CACNA1H: variants seen among roughly 807,000 people sequenced by gnomAD.
The protein encoded by CACNA1H is voltage-dependent T-type calcium channel subunit alpha-1H.
A neutral mutation model predicts 192.5 loss-of-function variants in CACNA1H; 149 were observed. The observed-to-expected ratio is 0.77, with a 90% CI of 0.68 to 0.89. The LOEUF (loss-of-function observed/expected upper bound fraction) is 0.89, where lower values mean the gene tolerates loss of function less well. Ranked by LOEUF, CACNA1H falls within the 40% of genes least tolerant of loss-of-function variation. CACNA1H has a pLI of 0.00. For synonymous variants in CACNA1H, 2,202 were observed against 1,475.2 expected (o/e 1.49, Z -11.29); for missense variants, 4,257 against 3,423.5 (o/e 1.24, Z -6.08).
In CACNA1H at chr16:1,219,866, G is replaced by A. The variant is rs927837400; in HGVS notation, c.6049-115G>A. The A allele has an allele frequency of 6.6e-6, 5 of 755,066 alleles. No homozygotes were observed. The African/African-American group carries it at 9.1e-5, about 14-fold the overall frequency. The allele number at this position is 755,066 out of a possible 1,614,324, so 46.8% of individuals were successfully genotyped here. ...TCTCGAGGGTCAGGAGCCACCCAGG[G>A]GACCTGCCCAGTTTGGCCTCTCCAG... On this transcript the variant is annotated intron_variant, in intron 34 of 34. Transcript: ENST00000348261.
rs1286665255 is a variant in CACNA1H at position 1,219,013 on chromosome 16, C to T, written c.5931C>T (p.Ala1977=). 2.8e-5 allele frequency: 44 copies of T among 1,550,312 alleles called. No individual in the cohort carries two copies. Among genetic ancestry groups the T allele is most frequent in the Non-Finnish European group, 3.8e-5 (44 of 1,146,882 alleles). ...ACTCTCCGCCCGCAGAGTCCTGTGC[C>T]TCCCTCCAGATCCCATTGGCTGTGT... is the stretch of plus-strand genomic sequence containing the variant. ...SVHSPPAESC[A]SLQIPLAVSS... Residue 1977 remains alanine, a synonymous_variant, in exon 34 of 35, where the codon GCC becomes GCT. Coordinates refer to ENST00000348261, the MANE Select transcript of CACNA1H (RefSeq NM_021098.3).
intron 6 of CACNA1H, among the ~76,000 whole-genome samples, chr16:1,199,631 G>C (rs149150562): frequency 0.01 from 1,520 of 147,744 alleles, 16 homozygotes; most frequent in Admixed American, 0.014. Context: ...TTGCTCTGCA[G>C]TCTCTCCTCA....
At chr16:1,162,475 T>A (rs1963307382) in intron 2 of CACNA1H, among the ~76,000 whole-genome samples, 1 of 152,180 alleles carries the variant, frequency 6.6e-6, no homozygotes, top group Non-Finnish European at 1.5e-5. Context: ...CGCCCACTGT[T>A]GTCAGGCTCC....
At chr16:1,219,960 T>G in intron 34 of CACNA1H, 21 bp from the exon 35 acceptor site, 1 of 1,281,230 alleles carries the variant, frequency 7.8e-7, no homozygotes, top group Non-Finnish European at 9.9e-7. Context: ...CGCCCCTCAC[T>G]TTGACTCTAC....
At chr16:1,193,510 G>T (rs1966795338) in intron 2 of CACNA1H, among the ~76,000 whole-genome samples, 2 of 152,274 alleles carry the variant, frequency 1.3e-5, no homozygotes, top group South Asian at 4.1e-4. Flanking sequence ...GGCCGCTGGG[G>T]TCGCAGTGGG....
At chr16:1,164,965 G>T (rs1361447114) in intron 2 of CACNA1H, among the ~76,000 whole-genome samples, 4 of 152,150 alleles carry the variant, frequency 2.6e-5, no homozygotes, top group Non-Finnish European at 5.9e-5. Context: ...CAGCAGGTGG[G>T]GCCCCTCGGT....
At chr16:1,171,125 C>G (rs1964326075) in intron 2 of CACNA1H, among the ~76,000 whole-genome samples, 1 of 152,196 alleles carries the variant, frequency 6.6e-6, no homozygotes, top group Non-Finnish European at 1.5e-5. Flanking sequence ...CTCCCCTCCC[C>G]TAGTGCCTTC....
At chr16:1,188,593 T>G (rs1001719399) in intron 2 of CACNA1H, among the ~76,000 whole-genome samples, 1 of 151,984 alleles carries the variant, frequency 6.6e-6, no homozygotes, top group Non-Finnish European at 1.5e-5. Context: ...CACACAACAG[T>G]CAGTGGCTCT....
At chr16:1,166,981 C>T (rs1376894019) in intron 2 of CACNA1H, among the ~76,000 whole-genome samples, 6 of 152,198 alleles carry the variant, frequency 3.9e-5, no homozygotes, top group African/African-American at 7.2e-5. Flanking sequence ...GTTGAGTCCT[C>T]GGAGGAATGG....
intron 2 of CACNA1H, among the ~76,000 whole-genome samples, chr16:1,191,909 A>G (rs982872889): frequency 6.6e-6 from 1 of 152,170 alleles, no homozygotes; most frequent in Non-Finnish European, 1.5e-5. Context: ...GACCTCAGGC[A>G]CACTCGGGGT....
chr16:1,214,651 G>A (rs867004495), intron 27 of CACNA1H, among the ~76,000 whole-genome samples: 4 of 152,208 alleles, frequency 2.6e-5, no homozygotes, highest in East Asian at 1.9e-4. Flanking sequence ...CACTGCCATC[G>A]GGGTGCACAG....
At chr16:1,184,984 C>T (rs529295569) in intron 2 of CACNA1H, among the ~76,000 whole-genome samples, 7 of 152,318 alleles carry the variant, frequency 4.6e-5, no homozygotes, top group Admixed American at 2.0e-4. Flanking sequence ...TCACCTCTGC[C>T]TAGTTCTGGA....
intron 8 of CACNA1H, among the ~76,000 whole-genome samples, chr16:1,201,305 C>T (rs556298319): frequency 1.3e-5 from 2 of 152,122 alleles, no homozygotes; most frequent in African/African-American, 2.4e-5. Context: ...TTGCTGCACG[C>T]TGGTCCATGC....
chr16:1,174,668 G>A (rs886797748), intron 2 of CACNA1H, among the ~76,000 whole-genome samples: 2 of 152,196 alleles, frequency 1.3e-5, no homozygotes, highest in African/African-American at 2.4e-5. Context: ...AGCTGGGAGA[G>A]GAGAGGCGCC....
chr16:1,219,642 G>A (rs1360931488), intron 34 of CACNA1H, among the ~76,000 whole-genome samples: 1 of 152,234 alleles, frequency 6.6e-6, no homozygotes, highest in Non-Finnish European at 1.5e-5. Context: ...CCGCACAGGA[G>A]CAGTTAGGAG....
In CACNA1H at chr16:1,200,493, C is replaced by T. The variant is rs757510335; in HGVS notation, c.1041C>T (p.Cys347=). The T allele has an allele frequency of 5.6e-6, 9 of 1,612,180 alleles. No individual in the cohort carries two copies. Among genetic ancestry groups the T allele is most frequent in the South Asian group, 4.4e-5 (4 of 91,084 alleles). The change falls in exon 7 of 35, where the codon TGC becomes TGT. Residue 347 remains cysteine (C), a synonymous_variant. Transcript: ENST00000348261. ...ACTGGAACCAGTACTACAACGTGTGCCGCTCGGGTGACTCCAACCCCCACA... is the reference window on the plus strand; with the variant it reads ...ACTGGAACCAGTACTACAACGTGTGTCGCTCGGGTGACTCCAACCCCCACA... ...CINWNQYYNV[C]RSGDSNPHNG...
chr16:1,184,540 C>G lies in CACNA1H; in HGVS notation c.300-10432C>G, dbSNP rs11860036. Among the ~76,000 whole-genome samples the G allele has an allele frequency of 5.8e-3, 883 of 152,384 alleles. 15 individuals carry two copies. The highest frequency in any genetic ancestry group is 0.02 in the African/African-American group (839 of 41,598). On this transcript the variant is annotated intron_variant, in intron 2 of 34. Transcript: ENST00000348261. ...GTGAGCCTGGGAGGAGGCACGGATGCCGCATCAGCCTCCAGGCATCCCTGC... is the reference window on the plus strand; with the variant it reads ...GTGAGCCTGGGAGGAGGCACGGATGGCGCATCAGCCTCCAGGCATCCCTGC...
Position 1,206,091 on chromosome 16 carries a change from C to T in CACNA1H, c.2604-13C>T, listed in dbSNP as rs961885924. 3.2e-6 allele frequency: 5 copies of T among 1,558,550 alleles called. No individual in the cohort carries two copies. Among genetic ancestry groups the T allele is most frequent in the Non-Finnish European group, 4.3e-6 (5 of 1,155,032 alleles). On this transcript the variant is annotated splice_polypyrimidine_tract_variant and intron_variant, in intron 11 of 34. Coordinates refer to ENST00000348261, the MANE Select transcript of CACNA1H (RefSeq NM_021098.3). Reference sequence around the variant, plus strand: ...TCGTGGCCCCGCTGACCCTCGCCCCCACCTGTCCGCAGCGTCTGGGAGATC... The same window carrying T: ...TCGTGGCCCCGCTGACCCTCGCCCCTACCTGTCCGCAGCGTCTGGGAGATC...
Position 1,221,324 on chromosome 16 carries a change from A to G in CACNA1H, c.*330A>G. On this transcript the variant is annotated 3_prime_UTR_variant, in exon 35 of 35. Transcript: ENST00000348261. ...CACCCGCCAGAGAGGGGAAGGTACC[A>G]GGTTGCGTCCTTTCAGGCCCCGCGT... The G allele has an allele frequency of 2.6e-6, 1 of 381,012 alleles. No individual in the cohort carries two copies. 23.6% of individuals were successfully genotyped at this position (381,012 alleles called of 1,614,324 possible).
Sources: allele counts gnomAD v4.1 joint callset (sites outside exome capture counted in the v4.1 genomes callset), GRCh38; gene constraint gnomAD v4.1.1; transcripts MANE v1.5; gene names NCBI Gene and HGNC (gene_info 2026-07-23, HGNC 2026-07-21).